The following MALRD1 variants were observed in gnomAD, a reference collection of about 807,000 sequenced individuals.
MALRD1 encodes the protein MAM and LDL receptor class A domain containing 1.
Under a neutral mutation model 242.1 loss-of-function variants are expected in MALRD1, and 247 were observed. The ratio of observed to expected loss-of-function variants is 1.02; its 90% CI spans 0.92 to 1.13. The LOEUF is 1.13. MALRD1 is among the 50% of genes most tolerant of loss of function. The probability of loss-of-function intolerance (pLI) is 0.00; values close to 1 mark genes in which losing one functional copy is unlikely to be tolerated. For synonymous variants in MALRD1, 995 were observed against 866.6 expected, an observed-to-expected ratio of 1.15 and a Z score of -2.60; for missense variants, 2,989 against 2,533.1, an observed-to-expected ratio of 1.18 and a Z score of -3.86.
intron 33 of MALRD1, among the ~76,000 whole-genome samples, chr10:19,573,793 G>A (rs1368838199): frequency 2.6e-5 from 4 of 151,986 alleles, no homozygotes; most frequent in Admixed American, 2.6e-4. Context: ...ATTGAAACAT[G>A]CTGCATCTGA....
intron 36 of MALRD1, among the ~76,000 whole-genome samples, chr10:19,682,139 T>G (rs1312026763): frequency 6.6e-6 from 1 of 152,222 alleles, no homozygotes; most frequent in Non-Finnish European, 1.5e-5. Context: ...TCAAGTTGAT[T>G]AAAAGTAATC....
At chr10:19,631,020 G>A (rs1839873071) in intron 36 of MALRD1, among the ~76,000 whole-genome samples, 1 of 152,118 alleles carries the variant, frequency 6.6e-6, no homozygotes, top group Non-Finnish European at 1.5e-5. Context: ...AGATTCAGAG[G>A]TACATGTGGA....
At chr10:19,629,885 A>G (rs942179923) in intron 36 of MALRD1, among the ~76,000 whole-genome samples, 1 of 152,184 alleles carries the variant, frequency 6.6e-6, no homozygotes, top group Admixed American at 6.5e-5. Context: ...ATGTCAGAGT[A>G]GAAGCTTTTG....
intron 28 of MALRD1, among the ~76,000 whole-genome samples, chr10:19,398,019 T>G (rs1272222799): frequency 6.6e-6 from 1 of 152,162 alleles, no homozygotes; most frequent in Non-Finnish European, 1.5e-5. Flanking sequence ...TTTGCTTTTT[T>G]GACTATTGAA....
chr10:19,109,361 T>A (rs1836592780), intron 5 of MALRD1, among the ~76,000 whole-genome samples: 1 of 152,162 alleles, frequency 6.6e-6, no homozygotes. Context: ...GGGTGTGGCT[T>A]CTTTGCTGAT....
At chr10:19,675,211 A>G (rs574289835) in intron 36 of MALRD1, among the ~76,000 whole-genome samples, 1 of 152,312 alleles carries the variant, frequency 6.6e-6, no homozygotes, top group South Asian at 2.1e-4. Flanking sequence ...ACAAGAGCAC[A>G]TGATTTGTGT....
At chr10:19,340,043 G>A (rs562157983) in intron 24 of MALRD1, among the ~76,000 whole-genome samples, 1 of 152,196 alleles carries the variant, frequency 6.6e-6, no homozygotes, top group East Asian at 1.9e-4. Context: ...CAGCATGAGG[G>A]AAACCGTCCT....
chr10:19,298,107 A>G (rs1214030449), intron 21 of MALRD1, among the ~76,000 whole-genome samples: 2 of 151,964 alleles, frequency 1.3e-5, no homozygotes, highest in Non-Finnish European at 2.9e-5. Flanking sequence ...TGGTGCCCGC[A>G]TCTGCTCAGT....
intron 26 of MALRD1, among the ~76,000 whole-genome samples, chr10:19,372,514 G>C (rs1845422194): frequency 1.3e-5 from 2 of 151,934 alleles, no homozygotes; most frequent in East Asian, 3.9e-4. Flanking sequence ...TGTCACCCAG[G>C]CTGGAGTGTA....
chr10:19,425,711 A>T (rs1479368476), intron 28 of MALRD1, among the ~76,000 whole-genome samples: 1 of 152,300 alleles, frequency 6.6e-6, no homozygotes, highest in East Asian at 1.9e-4. Flanking sequence ...AGGGAAAAGA[A>T]TTCCAGCCCG....
chr10:19,506,833 A>C (rs1379714624), intron 31 of MALRD1, among the ~76,000 whole-genome samples: 2 of 152,172 alleles, frequency 1.3e-5, no homozygotes, highest in African/African-American at 4.8e-5. Context: ...GGGTGGAAAT[A>C]TAGACAAAGC....
intron 36 of MALRD1, among the ~76,000 whole-genome samples, chr10:19,680,499 C>T (rs1842321760): frequency 6.6e-6 from 1 of 151,984 alleles, no homozygotes; most frequent in Non-Finnish European, 1.5e-5. Context: ...GGTAAATTTC[C>T]CTCCATACTT....
At chr10:19,060,736 T>G (rs914150853) in intron 1 of MALRD1, among the ~76,000 whole-genome samples, 6 of 151,910 alleles carry the variant, frequency 3.9e-5, no homozygotes, top group Non-Finnish European at 7.4e-5. Flanking sequence ...GGTCACAGAG[T>G]AGAAGGTGAA....
At chr10:19,726,170 A>G (rs1262999547) in intron 38 of MALRD1, among the ~76,000 whole-genome samples, 1 of 152,228 alleles carries the variant, frequency 6.6e-6, no homozygotes, top group East Asian at 1.9e-4. Flanking sequence ...AAGACAATCT[A>G]CAAAATGGTA....
At chr10:19,420,154 GTTCC>G (rs1833665532) in intron 28 of MALRD1, among the ~76,000 whole-genome samples, 1 of 152,146 alleles carries the variant, frequency 6.6e-6, no homozygotes, top group Non-Finnish European at 1.5e-5. Context: ...CTGCTCTGTC[GTTCC>G]CCTGTCGGCT....
chr10:19,405,224 T>G (rs1017631430), intron 28 of MALRD1, among the ~76,000 whole-genome samples: 8 of 152,210 alleles, frequency 5.3e-5, no homozygotes, highest in South Asian at 2.1e-4. Flanking sequence ...ACTGGTAGAA[T>G]GTAGAAGGAG....
intron 28 of MALRD1, among the ~76,000 whole-genome samples, chr10:19,397,674 A>G (rs1846642989): frequency 6.6e-6 from 1 of 152,120 alleles, no homozygotes; most frequent in African/African-American, 2.4e-5. Context: ...TGTTTTCATA[A>G]TGGCTGTACT....
Position 19,692,360 on chromosome 10 carries a change from T to A in MALRD1, c.6216T>A (p.Asn2072Lys), listed in dbSNP as rs908750394. Residue 2072 changes from asparagine (N) to lysine (K), a missense_variant and splice_region_variant, in exon 37 of 40, where the codon AAT (asparagine) becomes AAA (lysine). Physicochemically the swap from Asn to Lys is moderately conservative, Grantham distance 94 (BLOSUM62 0). Coordinates refer to ENST00000454679, the MANE Select transcript of MALRD1 (RefSeq NM_001142308.3). The stretch of plus-strand genomic sequence containing the variant: ...CTACAGACTTCACATACGCTCAGAA[T>A]AGTAGGTGACATTATGACTAAATAA... ...PPATDFTYAQ[N>K]NTWTLLGIGL... The A allele has an allele frequency of 6.5e-7, 1 of 1,534,502 alleles. No individual in the cohort carries two copies. The highest frequency in any genetic ancestry group is 1.4e-5 in the African/African-American group (1 of 72,992).
chr10:19,687,936 ATGTTATGTTATGTTATGTTATGT>A (rs1351015277), intron 36 of MALRD1, among the ~76,000 whole-genome samples: 5 of 143,870 alleles, frequency 3.5e-5, no homozygotes. Flanking sequence ...ATGTTATGTT[ATGTTATGTTATGTTATGTTATGT>A]TATGTTATGT....
Sources: gnomAD v4.1 joint callset for allele counts (sites outside exome capture counted in the v4.1 genomes callset) on GRCh38, gnomAD v4.1.1 for gene constraint, MANE v1.5 for transcripts, NCBI Gene and HGNC (gene_info 2026-07-23, HGNC 2026-07-21) for gene names.